LUZP2: variants seen among roughly 807,000 people sequenced by gnomAD.
LUZP2 encodes the protein leucine zipper protein 2.
LUZP2 carries 52 observed loss-of-function variants against 51.6 expected under a neutral mutation model. That is an observed-to-expected ratio of 1.01 (90% CI 0.81 to 1.27). LUZP2 has a LOEUF of 1.27. LUZP2 is among the 50% of genes most tolerant of loss of function. The probability of loss-of-function intolerance (pLI) is 0.00; values close to 1 mark genes in which losing one functional copy is unlikely to be tolerated. For synonymous variants in LUZP2, 154 were observed against 137.3 expected (o/e 1.12, Z -0.85); for missense variants, 436 against 395.4 (o/e 1.10, Z -0.87).
Position 24,689,287 on chromosome 11 carries a change from G to A in LUZP2, c.63-39882G>A, listed in dbSNP as rs61875715. Among the ~76,000 whole-genome samples the A allele has an allele frequency of 2.0e-5, 3 of 152,282 alleles. No homozygotes were observed. In the East Asian group the frequency reaches 5.8e-4, roughly 29 times the overall value. On this transcript the variant is annotated intron_variant, in intron 1 of 11. Transcript: ENST00000336930. ...TGTCCACATGTGCAGTGGCCTCCAA[G>A]CATTTGGAAGGGACAGCATGCACAG...
chr11:24,859,473 T>C (rs1851668588), intron 5 of LUZP2, among the ~76,000 whole-genome samples: 1 of 152,212 alleles, frequency 6.6e-6, no homozygotes, highest in Admixed American at 6.5e-5. Context: ...ATATTTGTGA[T>C]TTTTATTGAG....
intron 1 of LUZP2, among the ~76,000 whole-genome samples, chr11:24,536,127 G>C (rs1026314301): frequency 6.6e-6 from 1 of 151,744 alleles, no homozygotes; most frequent in African/African-American, 2.4e-5. Context: ...TCTGTAAACA[G>C]ATATGCTGTC....
At chr11:24,814,802 C>A (rs925846348) in intron 5 of LUZP2, among the ~76,000 whole-genome samples, 1 of 152,054 alleles carries the variant, frequency 6.6e-6, no homozygotes, top group African/African-American at 2.4e-5. Flanking sequence ...ACCATCCTAG[C>A]TAACACGGTG....
At chr11:24,852,501 TTGCTGAGGAG>T in intron 5 of LUZP2, among the ~76,000 whole-genome samples, 1 of 152,270 alleles carries the variant, frequency 6.6e-6, no homozygotes, top group East Asian at 1.9e-4. Context: ...TATTTTGCAT[TTGCTGAGGAG>T]TGCTTTACTT....
intron 3 of LUZP2, among the ~76,000 whole-genome samples, chr11:24,733,549 C>A (rs913427535): frequency 6.6e-6 from 1 of 151,572 alleles, no homozygotes; most frequent in Admixed American, 6.6e-5. Context: ...TAATCTCACT[C>A]TTATTCGGAA....
At chr11:24,994,159 C>CTT (rs58939086) in intron 9 of LUZP2, among the ~76,000 whole-genome samples, 7,901 of 127,548 alleles carry the variant, frequency 0.062, 805 homozygotes, top group African/African-American at 0.2. Flanking sequence ...GCACCTGGCC[C>CTT]TTTTTTTTTT....
intron 5 of LUZP2, among the ~76,000 whole-genome samples, chr11:24,796,729 T>C (rs543122167): frequency 6.6e-6 from 1 of 152,084 alleles, no homozygotes; most frequent in Non-Finnish European, 1.5e-5. Flanking sequence ...TATAATACGT[T>C]TTTAAGTGAA....
intron 1 of LUZP2, among the ~76,000 whole-genome samples, chr11:24,632,983 G>A (rs1346329025): frequency 6.6e-6 from 1 of 151,984 alleles, no homozygotes; most frequent in East Asian, 1.9e-4. Context: ...TTGAGTTCCT[G>A]TTTGTTAAGG....
chr11:24,863,670 CTGAAT>C (rs1851805005), intron 5 of LUZP2, among the ~76,000 whole-genome samples: 1 of 152,022 alleles, frequency 6.6e-6, no homozygotes. Flanking sequence ...CTAAAACCTG[CTGAAT>C]TGTACTCTTT....
At chr11:24,697,612 C>T (rs1857288738) in intron 1 of LUZP2, among the ~76,000 whole-genome samples, 1 of 152,132 alleles carries the variant, frequency 6.6e-6, no homozygotes. Context: ...CCAAAACTAC[C>T]TCCCTCTTCA....
At chr11:24,519,136 T>C (rs182372730) in intron 1 of LUZP2, among the ~76,000 whole-genome samples, 2 of 152,344 alleles carry the variant, frequency 1.3e-5, no homozygotes, top group Admixed American at 6.5e-5. Flanking sequence ...TGTTGAGGGA[T>C]TGGCTCTTTC....
chr11:24,675,788 T>TA (rs1465344338), intron 1 of LUZP2, among the ~76,000 whole-genome samples: 25 of 103,180 alleles, frequency 2.4e-4, no homozygotes, highest in Non-Finnish European at 2.9e-4. Flanking sequence ...TTCTTTTTTT[T>TA]ATATTTATTT....
intron 10 of LUZP2, among the ~76,000 whole-genome samples, chr11:25,067,480 C>A (rs1859030616): frequency 6.6e-6 from 1 of 151,898 alleles, no homozygotes; most frequent in African/African-American, 2.4e-5. Context: ...ATGGTATGGC[C>A]TTGGTTTTCT....
At chr11:24,602,387 T>TACACACACAC (rs71041785) in intron 1 of LUZP2, among the ~76,000 whole-genome samples, 1,549 of 129,490 alleles carry the variant, frequency 0.012, 33 homozygotes, top group African/African-American at 0.035. Context: ...TATATATATA[T>TACACACACAC]ACACACACAC....
chr11:24,714,771 C>A (rs1857972435), intron 1 of LUZP2, among the ~76,000 whole-genome samples: 2 of 152,096 alleles, frequency 1.3e-5, no homozygotes, highest in African/African-American at 4.8e-5. Context: ...TAAGGGACAG[C>A]CTGAGAAATT....
At chr11:24,515,765 A>G (rs1850445691) in intron 1 of LUZP2, among the ~76,000 whole-genome samples, 1 of 152,206 alleles carries the variant, frequency 6.6e-6, no homozygotes, top group South Asian at 2.1e-4. Flanking sequence ...GTGAACAAGC[A>G]CTGACTAATA....
intron 1 of LUZP2, among the ~76,000 whole-genome samples, chr11:24,604,776 C>T (rs889477674): frequency 9.9e-5 from 15 of 151,786 alleles, no homozygotes; most frequent in Non-Finnish European, 2.1e-4. Context: ...AGAATCTTCA[C>T]TTGTTTGACT....
At position 24,611,528 on chromosome 11, in the gene LUZP2, T is replaced by C. The variant is rs1407449224; in HGVS notation, c.62+114223T>C. Among the ~76,000 whole-genome samples, 2 of 152,070 alleles carry C rather than the reference T, an allele frequency of 1.3e-5. No homozygotes were observed. The highest frequency in any genetic ancestry group is 4.8e-5 in the African/African-American group (2 of 41,414). Reference sequence around the variant, plus strand: ...TTGTTAGATTGTGTGAAAAGATACATTGAGTCAGAGTTTGGCAATTATGGA... The same window carrying C: ...TTGTTAGATTGTGTGAAAAGATACACTGAGTCAGAGTTTGGCAATTATGGA... On this transcript the variant is annotated intron_variant, in intron 1 of 11. Transcript: ENST00000336930. This position sits in a 1 kb window ranked among gnomAD's most constrained non-coding sequence, Gnocchi z 4.6.
chr11:24,639,024 T>A lies in LUZP2; in HGVS notation c.63-90145T>A, dbSNP rs192945507. ...TCAAAAACTTGTCAAAGACCTGTTA[T>A]ACTAAAAGCTCTAGACTCTTACCTT... On this transcript the variant is annotated intron_variant, in intron 1 of 11. Transcript: ENST00000336930. Among the ~76,000 whole-genome samples the A allele has an allele frequency of 3.0e-4, 46 of 151,964 alleles. 2 individuals are homozygous for A. Among genetic ancestry groups the A allele is most frequent in the Admixed American group, 9.2e-4 (14 of 15,286 alleles).
Sources: allele counts gnomAD v4.1 joint callset (sites outside exome capture counted in the v4.1 genomes callset), GRCh38; gene constraint gnomAD v4.1.1; non-coding constraint Gnocchi (gnomAD v3.1); transcripts MANE v1.5; gene names NCBI Gene and HGNC (gene_info 2026-07-23, HGNC 2026-07-21).